FAT3: variants seen among roughly 807,000 people sequenced by gnomAD.
FAT3 encodes protocadherin Fat 3.
FAT3 carries 95 observed loss-of-function variants against 310.2 expected under a neutral mutation model. That is an observed-to-expected ratio of 0.31 (90% CI 0.26 to 0.36). The LOEUF (loss-of-function observed/expected upper bound fraction) is 0.36. Ranked by LOEUF, FAT3 falls within the 10% of genes least tolerant of loss-of-function variation. The pLI, the probability that FAT3 is intolerant of heterozygous loss-of-function variation, is 1.00. For synonymous variants in FAT3, 2,314 were observed against 2,192.9 expected, an observed-to-expected ratio of 1.06 and a Z score of -1.54; for missense variants, 5,408 against 5,715.6, an observed-to-expected ratio of 0.95 and a Z score of 1.74.
intron 3 of FAT3, among the ~76,000 whole-genome samples, chr11:92,642,491 G>C (rs1001405974): frequency 6.6e-6 from 1 of 152,240 alleles, no homozygotes; most frequent in Non-Finnish European, 1.5e-5. Flanking sequence ...CTGCTAAGTG[G>C]ATATGGAAGG....
intron 2 of FAT3, among the ~76,000 whole-genome samples, chr11:92,362,956 C>T (rs1948919523): frequency 6.6e-6 from 1 of 152,122 alleles, no homozygotes; most frequent in South Asian, 2.1e-4. Flanking sequence ...TGTATCTTCC[C>T]ATCTAACTTA....
At position 92,800,012 on chromosome 11, in the gene FAT3, C is replaced by T; in HGVS notation, c.6999C>T (p.Ser2333=). ...AGATTGTCCAGGATACCTACAATAG[C>T]ACAGATTATTTTCACATAGATAGCT... ...HYQIVQDTYN[S]TDYFHIDSSS... Residue 2333 remains serine (S), a synonymous_variant, in exon 10 of 28, where the codon AGC becomes AGT. Transcript: ENST00000525166. The T allele has an allele frequency of 6.2e-7, 1 of 1,613,942 alleles. No homozygotes were observed. The highest frequency in any genetic ancestry group is 8.5e-7 in the Non-Finnish European group (1 of 1,179,858).
intron 1 of FAT3, among the ~76,000 whole-genome samples, chr11:92,326,554 C>T (rs929109176): frequency 1.3e-5 from 2 of 152,224 alleles, no homozygotes; most frequent in African/African-American, 4.8e-5. Flanking sequence ...AGGACAACAT[C>T]TCTTCCTTTC....
intron 2 of FAT3, among the ~76,000 whole-genome samples, chr11:92,435,346 C>A (rs1287541829): frequency 2.0e-5 from 3 of 152,140 alleles, no homozygotes. Flanking sequence ...TTTCTGTGAC[C>A]ACTACTAACT....
chr11:92,641,088 C>T (rs113229588), intron 3 of FAT3, among the ~76,000 whole-genome samples: 17 of 152,036 alleles, frequency 1.1e-4, no homozygotes, highest in African/African-American at 3.4e-4. Flanking sequence ...CCCAGCTACT[C>T]GGGAGGCTGA....
At chr11:92,691,059 G>C (rs912747870) in intron 3 of FAT3, among the ~76,000 whole-genome samples, 1 of 152,202 alleles carries the variant, frequency 6.6e-6, no homozygotes, top group Non-Finnish European at 1.5e-5. Flanking sequence ...CCCAGGTCCT[G>C]CACTGCCGGG....
intron 1 of FAT3, among the ~76,000 whole-genome samples, chr11:92,335,696 T>G (rs1948053732): frequency 1.3e-5 from 2 of 152,234 alleles, no homozygotes; most frequent in Admixed American, 6.5e-5. Context: ...CACTTTTTTT[T>G]GCAGTTGTAG....
intron 9 of FAT3, among the ~76,000 whole-genome samples, chr11:92,796,577 T>G (rs1472419711): frequency 6.6e-6 from 1 of 152,210 alleles, no homozygotes; most frequent in East Asian, 1.9e-4. Context: ...CCTATCATAC[T>G]ACAATACTCA....
chr11:92,229,186 A>T (rs1864042107), intron 1 of FAT3, among the ~76,000 whole-genome samples: 1 of 152,160 alleles, frequency 6.6e-6, no homozygotes, highest in African/African-American at 2.4e-5. Context: ...ATGCAGTTTT[A>T]CTTATTGGTG....
rs1446390988 is a variant in FAT3, at chr11:92,834,892, C to T, written c.9894C>T (p.Val3298=). Residue 3298 remains valine (V), a synonymous_variant, in exon 15 of 28, where the codon GTC becomes GTT. Transcript: ENST00000525166. ...AAGGGGGTATTTCTGTCTCTGAAGT[C>T]CTGGACTATGAATTATGCAAAAGGT... ...PKTGGISVSE[V]LDYELCKRFY... 6.2e-7 allele frequency: 1 copy of T among 1,611,396 alleles called. No homozygotes were observed. Among genetic ancestry groups the T allele is most frequent in the South Asian group, 1.1e-5 (1 of 90,326 alleles).
At chr11:92,229,576 C>T (rs567651236) in intron 1 of FAT3, among the ~76,000 whole-genome samples, 6 of 133,194 alleles carry the variant, frequency 4.5e-5, no homozygotes, top group African/African-American at 1.7e-4. Context: ...GAAAGACTGC[C>T]TTTCCTTGAA....
chr11:92,551,222 G>T (rs1407330397), intron 3 of FAT3, among the ~76,000 whole-genome samples: 1 of 152,024 alleles, frequency 6.6e-6, no homozygotes, highest in Non-Finnish European at 1.5e-5. Context: ...CCTTCTGAAA[G>T]AACCTGTAGT....
At position 92,891,053 on chromosome 11, in the gene FAT3, G is replaced by A. The variant is rs2136450351; in HGVS notation, c.13710G>A (p.Glu4570=). 6.2e-7 allele frequency: 1 copy of A among 1,613,832 alleles called. No individual in the cohort carries two copies. The highest frequency in any genetic ancestry group is 8.5e-7 in the Non-Finnish European group (1 of 1,179,848). ...TGAGTGACTACGAGAGCGTGGGAGA[G>A]CTCAGCCTCGCCAGCCTTCACATTC... ...VAMSDYESVG[E]LSLASLHIPF... is the part of the protein sequence containing the mutation. Residue 4570 remains glutamate, a synonymous_variant, in exon 28 of 28, where the codon GAG becomes GAA. Transcript: ENST00000525166.
At chr11:92,777,304 A>T (rs1444640370) in intron 7 of FAT3, among the ~76,000 whole-genome samples, 6 of 152,160 alleles carry the variant, frequency 3.9e-5, no homozygotes, top group Non-Finnish European at 8.8e-5. Flanking sequence ...AATAAATCAG[A>T]TCCTCAGTGA....
intron 3 of FAT3, among the ~76,000 whole-genome samples, chr11:92,610,397 G>A (rs1940506480): frequency 1.3e-5 from 2 of 152,082 alleles, no homozygotes. Flanking sequence ...AAAATTCTTT[G>A]ATAATGTTTA....
At chr11:92,667,875 A>T (rs995541526) in intron 3 of FAT3, among the ~76,000 whole-genome samples, 1 of 152,172 alleles carries the variant, frequency 6.6e-6, no homozygotes, top group Non-Finnish European at 1.5e-5. Flanking sequence ...TCAGACTCTC[A>T]TATAAAAGTG....
chr11:92,794,756 T>C (rs143129445), intron 9 of FAT3, among the ~76,000 whole-genome samples: 264 of 152,298 alleles, frequency 1.7e-3, no homozygotes, highest in Non-Finnish European at 1.3e-3. Context: ...AAAATGACCT[T>C]TGATTGTATG....
At chr11:92,635,131 CACTT>C (rs1282984307) in intron 3 of FAT3, among the ~76,000 whole-genome samples, 5 of 152,208 alleles carry the variant, frequency 3.3e-5, no homozygotes, top group Non-Finnish European at 7.3e-5. Flanking sequence ...AGCCTGGACA[CACTT>C]ACATAAGCAG....
intron 2 of FAT3, among the ~76,000 whole-genome samples, chr11:92,384,777 G>A (rs1241674880): frequency 6.6e-6 from 1 of 152,180 alleles, no homozygotes. Flanking sequence ...GTTTACAGAT[G>A]TGCCAAGATG....
Sources: gnomAD v4.1 joint callset for allele counts (sites outside exome capture counted in the v4.1 genomes callset) on GRCh38, gnomAD v4.1.1 for gene constraint, MANE v1.5 for transcripts, NCBI Gene and HGNC (gene_info 2026-07-23, HGNC 2026-07-21) for gene names.